Variants in GALNT13 observed in about 807,000 individuals in gnomAD.
GALNT13 encodes the protein polypeptide N-acetylgalactosaminyltransferase 13.
Under a neutral mutation model 64.2 loss-of-function variants are expected in GALNT13, and 28 were observed. The ratio of observed to expected loss-of-function variants is 0.44; its 90% CI spans 0.32 to 0.60. The LOEUF (loss-of-function observed/expected upper bound fraction) is 0.60. GALNT13 is among the 20% of genes least tolerant of loss of function. The pLI is 0.05. For synonymous variants in GALNT13, 214 were observed against 224.6 expected, an observed-to-expected ratio of 0.95 and a Z score of 0.42; for missense variants, 577 against 669.8, an observed-to-expected ratio of 0.86 and a Z score of 1.53.
rs533939801 is a variant in GALNT13 at position 153,950,717 on chromosome 2, T to C, written c.142+6078T>C. Among the ~76,000 whole-genome samples the C allele has an allele frequency of 2.0e-5, 3 of 152,278 alleles. No individual in the cohort carries two copies. The East Asian group carries it at 5.8e-4, about 29-fold the overall frequency. ...ATCAATACAAGGAGATCTTATATAG[T>C]AGTTTAATAGTTACTATGAATGCAC... is the stretch of plus-strand genomic sequence containing the variant. On this transcript the variant is annotated intron_variant, in intron 3 of 12. Coordinates refer to ENST00000392825, the MANE Select transcript of GALNT13 (RefSeq NM_052917.4).
chr2:153,122,942 C>G, the GALNT13 span, among the ~76,000 whole-genome samples: 5 of 151,926 alleles, frequency 3.3e-5, no homozygotes, highest in African/African-American at 1.2e-4. Context: ...GGGCCCTAGT[C>G]TAATGACTGG....
chr2:154,110,096 C>A (rs1387450522), intron 3 of GALNT13, among the ~76,000 whole-genome samples: 1 of 151,504 alleles, frequency 6.6e-6, no homozygotes, highest in Non-Finnish European at 1.5e-5. Flanking sequence ...GTGAAGGCAT[C>A]ATCAGGTTTT....
chr2:154,383,496 A>G (rs1048460666), intron 9 of GALNT13, among the ~76,000 whole-genome samples: 1 of 151,996 alleles, frequency 6.6e-6, no homozygotes, highest in Non-Finnish European at 1.5e-5. Flanking sequence ...AACATGTTCC[A>G]TAATATAATC....
chr2:154,070,815 G>C (rs967885433), intron 3 of GALNT13, among the ~76,000 whole-genome samples: 2 of 151,984 alleles, frequency 1.3e-5, no homozygotes, highest in African/African-American at 2.4e-5. Flanking sequence ...TCCTTGGGAG[G>C]CTGAGGCAGG....
At chr2:154,345,764 G>T (rs1696035014) in intron 9 of GALNT13, among the ~76,000 whole-genome samples, 1 of 151,934 alleles carries the variant, frequency 6.6e-6, no homozygotes. Flanking sequence ...ATAACTATAG[G>T]CTCAGGTACA....
intron 9 of GALNT13, among the ~76,000 whole-genome samples, chr2:154,381,082 G>A (rs1574201411): frequency 6.6e-6 from 1 of 151,982 alleles, no homozygotes; most frequent in East Asian, 1.9e-4. Context: ...TGGATTAGAA[G>A]CAAGTCATAG....
the GALNT13 span, among the ~76,000 whole-genome samples, chr2:153,180,171 T>C: frequency 6.6e-6 from 1 of 152,194 alleles, no homozygotes; most frequent in Non-Finnish European, 1.5e-5. Context: ...ACTTATTCTA[T>C]ATGGTCCTTA....
chr2:153,309,192 C>G, the GALNT13 span, among the ~76,000 whole-genome samples: 1 of 152,078 alleles, frequency 6.6e-6, no homozygotes, highest in East Asian at 1.9e-4. Context: ...ACCTCACTCC[C>G]TCTGGCAAAA....
the GALNT13 span, among the ~76,000 whole-genome samples, chr2:153,330,834 G>A: frequency 6.6e-6 from 1 of 152,130 alleles, no homozygotes; most frequent in Non-Finnish European, 1.5e-5. Context: ...AGTAGTGACA[G>A]TGGGCATTCT....
At chr2:153,769,013 G>C in the GALNT13 span, among the ~76,000 whole-genome samples, 2 of 151,878 alleles carry the variant, frequency 1.3e-5, no homozygotes, top group Admixed American at 1.3e-4. Flanking sequence ...CCTGTCTCTT[G>C]TATACAGAAA....
the GALNT13 span, among the ~76,000 whole-genome samples, chr2:153,699,483 T>C: frequency 6.6e-6 from 1 of 151,046 alleles, no homozygotes; most frequent in Non-Finnish European, 1.5e-5. Flanking sequence ...AATAAATAAC[T>C]AAGGTCAGAG....
chr2:154,419,133 C>G (rs938035702), intron 11 of GALNT13, among the ~76,000 whole-genome samples: 1 of 151,904 alleles, frequency 6.6e-6, no homozygotes, highest in African/African-American at 2.4e-5. Flanking sequence ...ATTATTTTAT[C>G]CAATAATTGA....
chr2:153,292,984 A>G, the GALNT13 span, among the ~76,000 whole-genome samples: 3 of 152,014 alleles, frequency 2.0e-5, no homozygotes, highest in Non-Finnish European at 4.4e-5. Flanking sequence ...TCATCACTGT[A>G]TATCTTTTTT....
chr2:153,091,553 G>A, the GALNT13 span, among the ~76,000 whole-genome samples: 13 of 152,282 alleles, frequency 8.5e-5, no homozygotes, highest in Admixed American at 8.5e-4. Flanking sequence ...GTACATTCCT[G>A]TGGTAGTTCT....
At chr2:153,512,013 G>A in the GALNT13 span, among the ~76,000 whole-genome samples, 1 of 152,160 alleles carries the variant, frequency 6.6e-6, no homozygotes, top group African/African-American at 2.4e-5. Context: ...ATCTGCGTAT[G>A]TATGACCTAC....
chr2:153,318,932 G>A, the GALNT13 span, among the ~76,000 whole-genome samples: 1 of 152,024 alleles, frequency 6.6e-6, no homozygotes, highest in Non-Finnish European at 1.5e-5. Flanking sequence ...CACTGTGAGG[G>A]TAATTTTAGA....
chr2:154,110,756 T>G (rs1702940341), intron 3 of GALNT13, among the ~76,000 whole-genome samples: 1 of 152,070 alleles, frequency 6.6e-6, no homozygotes, highest in Non-Finnish European at 1.5e-5. Context: ...CTTTGCATCC[T>G]TCAATCCAAT....
At chr2:153,920,130 G>A (rs1039884950) in intron 2 of GALNT13, among the ~76,000 whole-genome samples, 1 of 151,050 alleles carries the variant, frequency 6.6e-6, no homozygotes, top group African/African-American at 2.4e-5. Flanking sequence ...TGATGTTTTT[G>A]CTATTAGTAG....
chr2:153,310,041 C>A, the GALNT13 span, among the ~76,000 whole-genome samples: 5 of 152,230 alleles, frequency 3.3e-5, no homozygotes, highest in East Asian at 9.7e-4. Context: ...TGCAGCAAAT[C>A]TAATACGTCC....
Sources: gnomAD v4.1 joint callset for allele counts (sites outside exome capture counted in the v4.1 genomes callset) on GRCh38, gnomAD v4.1.1 for gene constraint, MANE v1.5 for transcripts, NCBI Gene and HGNC (gene_info 2026-07-23, HGNC 2026-07-21) for gene names.